CCDC122: variants seen among roughly 807,000 people sequenced by gnomAD.
The protein encoded by CCDC122 is coiled-coil domain-containing protein 122.
In CCDC122, 38 loss-of-function variants were observed where a neutral mutation model predicts 37.0. The observed-to-expected ratio is 1.03, with a 90% CI of 0.79 to 1.35. The LOEUF (loss-of-function observed/expected upper bound fraction) is 1.35, where lower values mean the gene tolerates loss of function less well. Ranked by LOEUF, CCDC122 falls within the 40% of genes most tolerant of loss-of-function variation. CCDC122 has a pLI of 0.00. For missense variants in CCDC122, 305 were observed against 310.0 expected (o/e 0.98, Z 0.12); for synonymous variants, 83 against 95.6 (o/e 0.87, Z 0.77).
At chr13:43,834,653 A>G (rs1953123005), downstream of CCDC122, among the ~76,000 whole-genome samples, 1 of 152,232 alleles carries the variant, frequency 6.6e-6, no homozygotes, top group Non-Finnish European at 1.5e-5. Flanking sequence ...GGCAAAGGAT[A>G]TGAACAGACA....
chr13:43,837,862 C>T (rs570091743), intron 6 of CCDC122, among the ~76,000 whole-genome samples: 28 of 152,212 alleles, frequency 1.8e-4, no homozygotes, highest in African/African-American at 6.5e-4. Context: ...TACTTTGAGT[C>T]CCTATGTAAG....
chr13:43,842,706 T>C (rs1953396499), intron 6 of CCDC122, among the ~76,000 whole-genome samples: 1 of 152,088 alleles, frequency 6.6e-6, no homozygotes, highest in African/African-American at 2.4e-5. Flanking sequence ...TTCTCAGCAA[T>C]TTTTATTGTA....
At chr13:43,854,882 T>C (rs1236415709) in intron 6 of CCDC122, 3 of 152,150 alleles carry the variant, frequency 2.0e-5, no homozygotes, top group African/African-American at 7.2e-5. Context: ...ACAACATGAA[T>C]TATCTCAATA....
chr13:43,821,289 T>A (rs1337139044), downstream of CCDC122, among the ~76,000 whole-genome samples: 1 of 152,218 alleles, frequency 6.6e-6, no homozygotes, highest in East Asian at 1.9e-4. Context: ...AGTGGCACAA[T>A]CTTGGCTCAC....
chr13:43,876,591 C>G lies in CCDC122; in HGVS notation c.-199-1664G>C, dbSNP rs189516408. 3.4e-4 allele frequency among the ~76,000 whole-genome samples: 52 copies of G among 152,304 alleles called. No homozygotes were observed. The East Asian group carries it at 8.3e-3, about 24-fold the overall frequency. ...CTAATTCCCATATCATGCTAGGAAA[C>G]TGTTAACTAGTAAATCTGCCTATTT... On this transcript the variant is annotated intron_variant, in intron 1 of 6. Transcript: ENST00000444614.
chr13:43,876,153 C>T (rs4941474), intron 1 of CCDC122, among the ~76,000 whole-genome samples: 57,456 of 151,948 alleles, frequency 0.38, 11,147 homozygotes, highest in East Asian at 0.53. Flanking sequence ...ATCTGGCCTC[C>T]GTAACTGTGA....
At chr13:43,828,413 C>A (rs1189193901) in intron 3 of CCDC122, among the ~76,000 whole-genome samples, 2 of 152,138 alleles carry the variant, frequency 1.3e-5, no homozygotes, top group African/African-American at 4.8e-5. Flanking sequence ...ACATCAAATG[C>A]CAAGTCTTCC....
At chr13:43,853,073 C>T (rs1203079439) in intron 6 of CCDC122, among the ~76,000 whole-genome samples, 3 of 152,130 alleles carry the variant, frequency 2.0e-5, no homozygotes, top group East Asian at 3.9e-4. Flanking sequence ...AAGGCAACCA[C>T]ATAAACAAGT....
chr13:43,857,987 A>G (rs1228662996), intron 6 of CCDC122, among the ~76,000 whole-genome samples: 1 of 152,194 alleles, frequency 6.6e-6, no homozygotes, highest in African/African-American at 2.4e-5. Context: ...TTGTTTTATA[A>G]TGAACCTTAA....
At chr13:43,822,515 T>C (rs913991454), downstream of CCDC122, among the ~76,000 whole-genome samples, 3 of 152,242 alleles carry the variant, frequency 2.0e-5, no homozygotes, top group African/African-American at 7.2e-5. Context: ...TTTGTGTCCC[T>C]TCTTTAAGGG....
rs1280945566 is a variant in CCDC122, at chr13:43,858,852, A to G, written c.601T>C (p.Ser201Pro). Residue 201 changes from serine (S) to proline (P), a missense_variant, in exon 6 of 7, where the codon TCT (serine) becomes CCT (proline). Transcript: ENST00000444614. Reference protein sequence around the residue: ...LKDKIITVKESIIEKTCFLEE... With the variant: ...LKDKIITVKEPIIEKTCFLEE... Reference sequence around the variant, plus strand: ...AGAAAACAAGTTTTTTCAATGATAGATTCTTTTACAGTTATAATTTTATCC... The same window carrying G: ...AGAAAACAAGTTTTTTCAATGATAGGTTCTTTTACAGTTATAATTTTATCC... 10 of 1,414,646 alleles carry G rather than the reference A, an allele frequency of 7.1e-6. No individual in the cohort carries two copies. In the South Asian group the frequency reaches 1.2e-4, roughly 18 times the overall value. The allele number at this position is 1,414,646 out of a possible 1,614,324, so 87.6% of individuals were successfully genotyped here.
chr13:43,863,141 A>C (rs1042171283), intron 4 of CCDC122, among the ~76,000 whole-genome samples: 2 of 152,124 alleles, frequency 1.3e-5, no homozygotes, highest in African/African-American at 4.8e-5. Flanking sequence ...GTCATTATTC[A>C]AAAAAGTTTT....
chr13:43,868,266 T>G (rs1954337697), intron 4 of CCDC122, among the ~76,000 whole-genome samples: 1 of 152,094 alleles, frequency 6.6e-6, no homozygotes, highest in South Asian at 2.1e-4. Flanking sequence ...CCAAATTCCC[T>G]GCAGTAGGAT....
At chr13:43,840,204 A>C (rs1456472220) in intron 6 of CCDC122, among the ~76,000 whole-genome samples, 1 of 152,174 alleles carries the variant, frequency 6.6e-6, no homozygotes, top group Non-Finnish European at 1.5e-5. Flanking sequence ...TTCCCAGGCC[A>C]TATTTTGTTC....
At chr13:43,840,364 C>T (rs1369041049) in intron 6 of CCDC122, among the ~76,000 whole-genome samples, 1 of 151,974 alleles carries the variant, frequency 6.6e-6, no homozygotes, top group Non-Finnish European at 1.5e-5. Flanking sequence ...TGTAAATATA[C>T]CACAATTTAT....
At chr13:43,869,252 T>C in intron 3 of CCDC122, 79 bp downstream of exon 3, 1 of 1,054,230 alleles carries the variant, frequency 9.5e-7, no homozygotes, top group Non-Finnish European at 1.5e-6. Context: ...CTATCAATTT[T>C]AACACAATTA....
intron 3 of CCDC122, among the ~76,000 whole-genome samples, chr13:43,830,628 A>G (rs1953080880): frequency 6.6e-6 from 1 of 152,232 alleles, no homozygotes; most frequent in Non-Finnish European, 1.5e-5. Flanking sequence ...TAAAAATCTG[A>G]GAGGATTTAG....
intron 5 of CCDC122, among the ~76,000 whole-genome samples, chr13:43,859,381 A>G (rs1954030431): frequency 6.6e-6 from 1 of 152,068 alleles, no homozygotes; most frequent in African/African-American, 2.4e-5. Context: ...TGTGAATTAC[A>G]TTTTCTACAA....
At chr13:43,858,757 G>T in intron 6 of CCDC122, 24 bp downstream of exon 6, 2 of 1,346,606 alleles carry the variant, frequency 1.5e-6, no homozygotes, top group South Asian at 1.5e-5. Flanking sequence ...ATAAAACATT[G>T]AAATCTAGAT....
Sources: allele counts gnomAD v4.1 joint callset (sites outside exome capture counted in the v4.1 genomes callset), GRCh38; gene constraint gnomAD v4.1.1; transcripts MANE v1.5; gene names NCBI Gene and HGNC (gene_info 2026-07-23, HGNC 2026-07-21).